CACNA2D3: variants seen among roughly 807,000 people sequenced by gnomAD.
CACNA2D3 encodes voltage-dependent calcium channel subunit alpha-2/delta-3.
CACNA2D3 carries 60 observed loss-of-function variants against 160.6 expected under a neutral mutation model. That is an observed-to-expected ratio of 0.37 (90% CI 0.30 to 0.46). The LOEUF (loss-of-function observed/expected upper bound fraction) is 0.46. CACNA2D3 is among the 20% of genes least tolerant of loss of function. CACNA2D3 has a pLI of 1.00. For synonymous variants in CACNA2D3, 558 were observed against 492.9 expected, an observed-to-expected ratio of 1.13 and a Z score of -1.75; for missense variants, 1,205 against 1,365.0, an observed-to-expected ratio of 0.88 and a Z score of 1.85.
intron 4 of CACNA2D3, among the ~76,000 whole-genome samples, chr3:54,460,787 C>A (rs1178043782): frequency 6.6e-6 from 1 of 152,124 alleles, no homozygotes; most frequent in Non-Finnish European, 1.5e-5. Flanking sequence ...TGCCTAATTG[C>A]CCTGGCCAGA....
At position 54,774,855 on chromosome 3, in the gene CACNA2D3, C is replaced by CG; in HGVS notation, c.1380+10505dup. On this transcript the variant is annotated intron_variant, in intron 13 of 37. Coordinates refer to ENST00000474759, the MANE Select transcript of CACNA2D3 (RefSeq NM_018398.3). ...TTCACCATACTGGCCAGGCTGGTCT[C>CG]GAACTCCTGACCTTGTGATCTGCCT... Among the ~76,000 whole-genome samples, 2 of 151,868 alleles carry CG rather than the reference C, an allele frequency of 1.3e-5. 1 individual carries two copies. Among genetic ancestry groups the CG allele is most frequent in the South Asian group, 4.2e-4 (2 of 4,784 alleles).
intron 13 of CACNA2D3, among the ~76,000 whole-genome samples, chr3:54,784,804 G>T (rs1185015318): frequency 2.0e-5 from 3 of 152,228 alleles, no homozygotes. Context: ...CAAAGTGACA[G>T]GATCTTTTCA....
chr3:54,804,542 T>A (rs1420992468), intron 13 of CACNA2D3, among the ~76,000 whole-genome samples: 2 of 152,128 alleles, frequency 1.3e-5, no homozygotes, highest in African/African-American at 4.8e-5. Context: ...AGCACCCAGT[T>A]TCATAAAGCA....
rs34225864 is a variant in CACNA2D3 at position 54,493,060 on chromosome 3, C to CTTTT, written c.382-10401_382-10398dup. Among the ~76,000 whole-genome samples the CTTTT allele has an allele frequency of 1.2e-3, 69 of 58,796 alleles. 8 individuals are homozygous for CTTTT. Among genetic ancestry groups the CTTTT allele is most frequent in the African/African-American group, 4.8e-3 (63 of 13,018 alleles). 38.6% of individuals were successfully genotyped at this position (58,796 alleles called of 152,430 possible). A position where few individuals can be genotyped will look rare whatever the true frequency, so the allele number is the denominator to read the frequency against. The stretch of plus-strand genomic sequence containing the variant: ...TGTATGTGGGAGGTATTGCTCAAAA[C>CTTTT]TTTTTTTTTTTTTTTTTTTTTTTTT... On this transcript the variant is annotated intron_variant, in intron 4 of 37. Transcript: ENST00000474759.
chr3:54,689,120 A>G (rs539267607), intron 11 of CACNA2D3, among the ~76,000 whole-genome samples: 25 of 151,816 alleles, frequency 1.6e-4, no homozygotes, highest in Non-Finnish European at 3.1e-4. Context: ...ATGGTCGCTG[A>G]AACCAGCAGT....
At chr3:54,440,078 C>G (rs911045139) in intron 4 of CACNA2D3, among the ~76,000 whole-genome samples, 1 of 152,174 alleles carries the variant, frequency 6.6e-6, no homozygotes, top group Non-Finnish European at 1.5e-5. Context: ...TCACCCTTTC[C>G]TTACCCACAC....
At chr3:54,862,389 ACACACACACACACACG>A (rs1439077107) in intron 17 of CACNA2D3, among the ~76,000 whole-genome samples, 3 of 151,932 alleles carry the variant, frequency 2.0e-5, no homozygotes, top group Non-Finnish European at 4.4e-5. Flanking sequence ...ACACACACAC[ACACACACACACACACG>A]CACACACACG....
At chr3:54,597,594 T>C (rs1702979756) in intron 9 of CACNA2D3, among the ~76,000 whole-genome samples, 1 of 152,012 alleles carries the variant, frequency 6.6e-6, no homozygotes, top group Admixed American at 6.6e-5. Flanking sequence ...TTTAAAATGG[T>C]CTTGAGGGTA....
At chr3:54,796,850 T>C (rs1421609031) in intron 13 of CACNA2D3, among the ~76,000 whole-genome samples, 4 of 152,196 alleles carry the variant, frequency 2.6e-5, no homozygotes, top group African/African-American at 9.7e-5. Context: ...AAGGACAAAA[T>C]TGAACCTTTC....
intron 16 of CACNA2D3, among the ~76,000 whole-genome samples, chr3:54,842,971 G>A (rs1267879527): frequency 6.7e-6 from 1 of 150,196 alleles, no homozygotes; most frequent in East Asian, 2.0e-4. Context: ...GCGGAAAAGT[G>A]AGTGTAGCTT....
At chr3:54,448,012 G>A (rs772384381) in intron 4 of CACNA2D3, among the ~76,000 whole-genome samples, 12 of 152,154 alleles carry the variant, frequency 7.9e-5, no homozygotes, top group Admixed American at 4.6e-4. Context: ...GGGAATTTAC[G>A]AAAAGTTTCA....
intron 11 of CACNA2D3, among the ~76,000 whole-genome samples, chr3:54,721,986 C>T (rs1360532592): frequency 6.6e-6 from 1 of 152,102 alleles, no homozygotes; most frequent in Non-Finnish European, 1.5e-5. Context: ...GTTCTCCTGG[C>T]TAATATCCTG....
intron 2 of CACNA2D3, among the ~76,000 whole-genome samples, chr3:54,146,993 A>G (rs1467510555): frequency 1.3e-5 from 2 of 152,230 alleles, no homozygotes; most frequent in Non-Finnish European, 1.5e-5. Flanking sequence ...AAAGAGGGAA[A>G]ATTTCCCCTT....
chr3:54,907,923 T>C (rs1700480395), intron 27 of CACNA2D3, among the ~76,000 whole-genome samples: 1 of 152,204 alleles, frequency 6.6e-6, no homozygotes, highest in Non-Finnish European at 1.5e-5. Flanking sequence ...TAAATTGCCA[T>C]ATAATATTCC....
intron 35 of CACNA2D3, among the ~76,000 whole-genome samples, chr3:55,044,295 A>G (rs1704026055): frequency 6.6e-6 from 1 of 152,150 alleles, no homozygotes; most frequent in African/African-American, 2.4e-5. Flanking sequence ...AGTATTCTAT[A>G]GTTTTCAATA....
At chr3:54,438,372 T>G (rs943731637) in intron 4 of CACNA2D3, among the ~76,000 whole-genome samples, 1 of 152,246 alleles carries the variant, frequency 6.6e-6, no homozygotes, top group Non-Finnish European at 1.5e-5. Context: ...ATGGGTGATT[T>G]ACCTTTACCA....
intron 2 of CACNA2D3, among the ~76,000 whole-genome samples, chr3:54,131,370 C>T (rs1028708009): frequency 7.9e-5 from 12 of 152,190 alleles, no homozygotes; most frequent in African/African-American, 2.4e-4. Context: ...CAGAGAAGCC[C>T]ATCACCCAAG....
At chr3:54,454,508 A>C (rs1265764436) in intron 4 of CACNA2D3, among the ~76,000 whole-genome samples, 1 of 152,164 alleles carries the variant, frequency 6.6e-6, no homozygotes, top group Non-Finnish European at 1.5e-5. Flanking sequence ...AGGGGGTACC[A>C]TGTGATGTTT....
intron 35 of CACNA2D3, among the ~76,000 whole-genome samples, chr3:55,036,442 A>G (rs968931089): frequency 2.0e-5 from 3 of 151,788 alleles, no homozygotes; most frequent in African/African-American, 7.3e-5. Flanking sequence ...TTTTATTTTT[A>G]TTTTTATTTA....
Sources: allele counts gnomAD v4.1 joint callset (sites outside exome capture counted in the v4.1 genomes callset), GRCh38; gene constraint gnomAD v4.1.1; transcripts MANE v1.5; gene names NCBI Gene and HGNC (gene_info 2026-07-23, HGNC 2026-07-21).